The following IKBKB variants were observed in gnomAD, a reference collection of about 807,000 sequenced individuals.
The protein encoded by IKBKB is inhibitor of nuclear factor kappa B kinase subunit beta.
A neutral mutation model predicts 113.6 loss-of-function variants in IKBKB; 42 were observed. The observed-to-expected ratio is 0.37, with a 90% CI of 0.29 to 0.48. IKBKB has a LOEUF of 0.48. Among genes scored for constraint, IKBKB ranks in the 20% least tolerant of loss-of-function variants. IKBKB has a pLI of 0.99. For missense variants in IKBKB, 673 were observed against 939.7 expected, an observed-to-expected ratio of 0.72 and a Z score of 3.71; for synonymous variants, 296 against 361.3, an observed-to-expected ratio of 0.82 and a Z score of 2.05.
chr8:42,329,214 G>A lies in IKBKB; in HGVS notation c.2205G>A (p.Thr735=). The A allele has an allele frequency of 1.3e-6, 2 of 1,576,400 alleles. No homozygotes were observed. Among genetic ancestry groups the A allele is most frequent in the Non-Finnish European group, 1.7e-6 (2 of 1,165,816 alleles). Residue 735 remains threonine, a splice_region_variant and synonymous_variant, in exon 21 of 22, where the codon ACG becomes ACA. Transcript: ENST00000520810. ...TGAGGGAACAAGACCAGAGTTTCAC[G>A]GTAACAGCTTGTGTGAGACTCCTGC... ...DTVREQDQSF[T]ALDWSWLQTE...
chr8:42,283,566 C>T (rs997631024), intron 2 of IKBKB, among the ~76,000 whole-genome samples: 1 of 152,054 alleles, frequency 6.6e-6, no homozygotes, highest in African/African-American at 2.4e-5. Context: ...TAAGGGGCTA[C>T]GAGCTGAAGA....
In IKBKB at chr8:42,330,940, G is replaced by GGAA; in HGVS notation, c.2241_2243dup (p.Glu748dup). The GGAA allele has an allele frequency of 6.2e-7, 1 of 1,614,188 alleles. No individual in the cohort carries two copies. Among genetic ancestry groups the GGAA allele is most frequent in the Non-Finnish European group, 8.5e-7 (1 of 1,180,036 alleles). On this transcript the variant is annotated inframe_insertion, in exon 22 of 22. Coordinates refer to ENST00000520810, the MANE Select transcript of IKBKB (RefSeq NM_001556.3). ...CCCTAGACTGGAGCTGGTTACAGAC[G>GGAA]GAAGAAGAAGAGCACAGCTGCCTGG... is the stretch of plus-strand genomic sequence containing the variant.
At chr8:42,274,045 T>C (rs1808391761) in intron 2 of IKBKB, among the ~76,000 whole-genome samples, 2 of 152,100 alleles carry the variant, frequency 1.3e-5, no homozygotes, top group Non-Finnish European at 2.9e-5. Flanking sequence ...TTTTTTTTTT[T>C]CCGGAGACAG....
intron 3 of IKBKB, among the ~76,000 whole-genome samples, chr8:42,289,949 C>A (rs559716978): frequency 3.2e-4 from 49 of 152,292 alleles, no homozygotes; most frequent in Non-Finnish European, 4.4e-4. Context: ...GTTGTGCCCT[C>A]AGGGTCTGAG....
chr8:42,287,670 C>T (rs1585585342), intron 2 of IKBKB, among the ~76,000 whole-genome samples: 1 of 152,222 alleles, frequency 6.6e-6, no homozygotes, highest in African/African-American at 2.4e-5. Flanking sequence ...GGCTTGTTTT[C>T]AAGCCCTGAA....
At chr8:42,284,625 A>G (rs1338863258) in intron 2 of IKBKB, among the ~76,000 whole-genome samples, 1 of 152,028 alleles carries the variant, frequency 6.6e-6, no homozygotes. Context: ...TACAACAGGA[A>G]TTGGCTTTCA....
chr8:42,299,323 C>T (rs778702379), intron 5 of IKBKB, among the ~76,000 whole-genome samples: 1 of 152,188 alleles, frequency 6.6e-6, no homozygotes, highest in African/African-American at 2.4e-5. Flanking sequence ...GCGACCTCCT[C>T]CCTGGCCTCC....
chr8:42,273,901 A>G (rs112152013), intron 2 of IKBKB, among the ~76,000 whole-genome samples: 1 of 152,274 alleles, frequency 6.6e-6, no homozygotes, highest in East Asian at 1.9e-4. Flanking sequence ...TTTATGGGGT[A>G]CAGTGTGATA....
chr8:42,308,799 T>C, intron 7 of IKBKB, 102 bp from the exon 8 acceptor site: 2 of 1,149,478 alleles, frequency 1.7e-6, no homozygotes, highest in South Asian at 2.8e-5. Context: ...CAGTGCCCTC[T>C]AGGATGAAGC....
At chr8:42,319,704 A>G in intron 15 of IKBKB, 58 bp downstream of exon 15, 1 of 1,359,518 alleles carries the variant, frequency 7.4e-7, no homozygotes. Flanking sequence ...TTGTGCTCCC[A>G]CTTTTCACTT....
chr8:42,319,758 C>G (rs1460836608), intron 15 of IKBKB, 112 bp downstream of exon 15: 18 of 911,654 alleles, frequency 2.0e-5, no homozygotes, highest in Non-Finnish European at 2.8e-5. Flanking sequence ...ATCAGGTGTT[C>G]CTCACCATGC....
intron 7 of IKBKB, 152 bp downstream of exon 7, chr8:42,306,584 T>G: frequency 1.6e-6 from 1 of 618,312 alleles, no homozygotes; most frequent in Non-Finnish European, 2.9e-6. Flanking sequence ...CCTGGTCGAG[T>G]CAGCATTTTT....
intron 2 of IKBKB, among the ~76,000 whole-genome samples, chr8:42,286,969 A>G (rs1228900873): frequency 1.3e-5 from 2 of 152,310 alleles, no homozygotes; most frequent in East Asian, 3.9e-4. Flanking sequence ...ATGTTGGTGC[A>G]GGTCAGCTTG....
At chr8:42,325,091 G>C (rs1426364298) in intron 19 of IKBKB, 3 of 273,870 alleles carry the variant, frequency 1.1e-5, no homozygotes, top group Non-Finnish European at 1.7e-5. Context: ...TGGGGCCTGG[G>C]GGGCTACATG....
intron 2 of IKBKB, among the ~76,000 whole-genome samples, chr8:42,278,649 G>T (rs543226922): frequency 2.8e-4 from 43 of 152,270 alleles, no homozygotes; most frequent in African/African-American, 1.0e-3. Flanking sequence ...GGCAGACCAG[G>T]TCTGAATGTT....
chr8:42,298,945 C>G (rs1270687383), intron 5 of IKBKB, among the ~76,000 whole-genome samples: 1 of 152,194 alleles, frequency 6.6e-6, no homozygotes, highest in Non-Finnish European at 1.5e-5. Context: ...CCCTCCCTGC[C>G]CCTGCGCTGG....
intron 8 of IKBKB, chr8:42,309,360 CAAAT>C (rs1022618169): frequency 6.9e-5 from 26 of 374,518 alleles, no homozygotes; most frequent in African/African-American, 3.3e-4. Context: ...TGTTAGTAAA[CAAAT>C]AAAACACGTG....
intron 2 of IKBKB, among the ~76,000 whole-genome samples, chr8:42,277,030 C>G (rs1218654867): frequency 1.3e-5 from 2 of 151,180 alleles, no homozygotes; most frequent in East Asian, 3.9e-4. Flanking sequence ...CCACCCCCGA[C>G]TAATTTTTTT....
chr8:42,283,178 G>A (rs1178355608), intron 2 of IKBKB, among the ~76,000 whole-genome samples: 2 of 152,200 alleles, frequency 1.3e-5, no homozygotes, highest in African/African-American at 4.8e-5. Context: ...TTGGGCAAAA[G>A]ACTGCAATTA....
Sources: gnomAD v4.1 joint callset for allele counts (sites outside exome capture counted in the v4.1 genomes callset) on GRCh38, gnomAD v4.1.1 for gene constraint, MANE v1.5 for transcripts, NCBI Gene and HGNC (gene_info 2026-07-23, HGNC 2026-07-21) for gene names.